The following KAT14 variants were observed in gnomAD, a reference collection of about 807,000 sequenced individuals.
KAT14 encodes cysteine-rich protein 2-binding protein.
In KAT14, 66 loss-of-function variants were observed where a neutral mutation model predicts 78.4. The observed-to-expected ratio is 0.84, with a 90% confidence interval of 0.69 to 1.03. KAT14 has a LOEUF of 1.03. Among genes scored for constraint, KAT14 ranks in the 50% least tolerant of loss-of-function variants. KAT14 has a pLI of 0.00. For synonymous variants in KAT14, 344 were observed against 359.4 expected, an observed-to-expected ratio of 0.96 and a Z score of 0.48; for missense variants, 870 against 972.5, an observed-to-expected ratio of 0.89 and a Z score of 1.40.
chr20:18,148,667 TG>T (rs1046362980), intron 3 of KAT14, among the ~76,000 whole-genome samples: 1 of 151,534 alleles, frequency 6.6e-6, no homozygotes, highest in African/African-American at 2.4e-5. Context: ...TGGAGTGCAA[TG>T]GCGCGATCTT....
chr20:18,176,387 A>T (rs893489669), intron 7 of KAT14, among the ~76,000 whole-genome samples: 1 of 151,798 alleles, frequency 6.6e-6, no homozygotes, highest in African/African-American at 2.4e-5. Context: ...GTCCTTAGGC[A>T]GGGGGCATCC....
chr20:18,139,998 A>G (rs1412763522), intron 1 of KAT14, among the ~76,000 whole-genome samples: 2 of 152,196 alleles, frequency 1.3e-5, no homozygotes, highest in African/African-American at 4.8e-5. Context: ...TTAGAAAGGT[A>G]GTTCAGTGAG....
chr20:18,158,373 G>T (rs2038295989), intron 4 of KAT14, among the ~76,000 whole-genome samples: 1 of 152,204 alleles, frequency 6.6e-6, no homozygotes, highest in Admixed American at 6.5e-5. Flanking sequence ...TGTTAGACTG[G>T]TCTTCTTGTG....
chr20:18,142,354 ATGACT>A lies in KAT14; in HGVS notation c.-303_-299del. The A allele has an allele frequency of 6.5e-7, 1 of 1,535,982 alleles. No individual in the cohort carries two copies. On this transcript the variant is annotated 5_prime_UTR_variant, in exon 2 of 11. It removes the in-frame stop codon of an upstream open reading frame in the 5' UTR. Transcript: ENST00000688188. ...TATTGGCAAAAGGATCTCAAAAATC[ATGACT>A]TGAATGTGAAATATCTGTTGGACAG...
upstream of KAT14, among the ~76,000 whole-genome samples, chr20:18,137,213 GA>G (rs2037335727): frequency 6.6e-6 from 1 of 152,086 alleles, no homozygotes; most frequent in South Asian, 2.1e-4. Flanking sequence ...AGAATCGCTT[GA>G]ATCCGGTAAG....
chr20:18,155,585 A>G (rs1292341796), intron 4 of KAT14, among the ~76,000 whole-genome samples: 1 of 152,206 alleles, frequency 6.6e-6, no homozygotes, highest in Non-Finnish European at 1.5e-5. Context: ...GGGTAAAGGC[A>G]TTTAATAGAC....
chr20:18,179,589 G>A (rs996345558), intron 7 of KAT14, among the ~76,000 whole-genome samples: 17 of 152,158 alleles, frequency 1.1e-4, no homozygotes, highest in African/African-American at 3.9e-4. Context: ...TGACTGGAGC[G>A]GCTGGGGCAC....
In KAT14 at chr20:18,187,477, G is replaced by C. The variant is rs1250573426; in HGVS notation, c.*18G>C. ...GGCGCTGATGCGAATACAGCTCACA[G>C]AGAAACGCATGTGCTATTGGAGAAC... On this transcript the variant is annotated 3_prime_UTR_variant, in exon 11 of 11. Coordinates refer to ENST00000688188, the MANE Select transcript of KAT14 (RefSeq NM_001392073.1). The C allele has an allele frequency of 6.2e-7, 1 of 1,613,432 alleles. No homozygotes were observed. Among genetic ancestry groups the C allele is most frequent in the African/African-American group, 1.3e-5 (1 of 74,924 alleles).
Sources: allele counts gnomAD v4.1 joint callset (sites outside exome capture counted in the v4.1 genomes callset), GRCh38; gene constraint gnomAD v4.1.1; transcripts MANE v1.5; gene names NCBI Gene and HGNC (gene_info 2026-07-23, HGNC 2026-07-21).